Variants in UBAC2 observed in about 807,000 individuals in gnomAD.
The protein encoded by UBAC2 is ubiquitin-associated domain-containing protein 2.
A neutral mutation model predicts 44.0 loss-of-function variants in UBAC2; 26 were observed. The ratio of observed to expected loss-of-function variants is 0.59; its 90% confidence interval spans 0.43 to 0.82. The LOEUF (loss-of-function observed/expected upper bound fraction) is 0.82, where lower values mean the gene tolerates loss of function less well. Ranked by LOEUF, UBAC2 falls within the 40% of genes least tolerant of loss-of-function variation. The pLI, the probability that UBAC2 is intolerant of heterozygous loss-of-function variation, is 0.00. For synonymous variants in UBAC2, 155 were observed against 154.3 expected (o/e 1.00, Z -0.04); for missense variants, 329 against 419.4 (o/e 0.78, Z 1.88).
intron 8 of UBAC2, among the ~76,000 whole-genome samples, chr13:99,374,950 A>G (rs931789587): frequency 2.6e-5 from 4 of 152,248 alleles, no homozygotes; most frequent in African/African-American, 7.2e-5. Context: ...TTGTTTTCAC[A>G]TAAAAAATGT....
At chr13:99,338,259 T>C (rs2044830890) in intron 6 of UBAC2, among the ~76,000 whole-genome samples, 2 of 151,982 alleles carry the variant, frequency 1.3e-5, no homozygotes, top group South Asian at 4.2e-4. Context: ...GTTTTTACCA[T>C]GTTGGCCAGG....
At chr13:99,360,826 T>TG (rs2045255331) in intron 7 of UBAC2, among the ~76,000 whole-genome samples, 1 of 152,222 alleles carries the variant, frequency 6.6e-6, no homozygotes, top group South Asian at 2.1e-4. Flanking sequence ...TATATCATCT[T>TG]GCATTGTTCT....
intron 4 of UBAC2, among the ~76,000 whole-genome samples, chr13:99,311,716 C>T (rs1819292529): frequency 6.6e-6 from 1 of 152,160 alleles, no homozygotes; most frequent in Non-Finnish European, 1.5e-5. Flanking sequence ...AAATGTGAGT[C>T]ATACAGTTGT....
chr13:99,219,949 C>T (rs1435009425), intron 1 of UBAC2, among the ~76,000 whole-genome samples: 3 of 151,712 alleles, frequency 2.0e-5, no homozygotes, highest in African/African-American at 7.3e-5. Flanking sequence ...ACATTTTGTT[C>T]ATTTGTTGAT....
intron 4 of UBAC2, among the ~76,000 whole-genome samples, chr13:99,265,961 A>G (rs542101948): frequency 4.6e-5 from 7 of 152,280 alleles, no homozygotes; most frequent in Non-Finnish European, 1.0e-4. Flanking sequence ...GTTTATTTGA[A>G]TATGAAATAG....
At chr13:99,318,821 CAAAAA>C (rs397851352) in intron 6 of UBAC2, among the ~76,000 whole-genome samples, 1 of 69,890 alleles carries the variant, frequency 1.4e-5, no homozygotes, top group Admixed American at 1.7e-4. Context: ...GACTCCATCT[CAAAAA>C]AAAAAAAAAA....
chr13:99,345,933 G>A (rs956794171), intron 7 of UBAC2, among the ~76,000 whole-genome samples: 1 of 151,840 alleles, frequency 6.6e-6, no homozygotes, highest in African/African-American at 2.4e-5. Flanking sequence ...AGTAAAGACG[G>A]GGTTTCACCA....
At chr13:99,234,932 CT>C (rs2043216996) in intron 1 of UBAC2, among the ~76,000 whole-genome samples, 2 of 152,152 alleles carry the variant, frequency 1.3e-5, no homozygotes, top group East Asian at 3.8e-4. Context: ...TAATTTGCTT[CT>C]TTTTTTCTCT....
chr13:99,352,733 G>A (rs1323400162), intron 7 of UBAC2, among the ~76,000 whole-genome samples: 3 of 152,204 alleles, frequency 2.0e-5, no homozygotes, highest in African/African-American at 4.8e-5. Context: ...AAGGCAGCAC[G>A]ATCCCTCCTC....
chr13:99,374,201 A>AT (rs1350650473), intron 8 of UBAC2, among the ~76,000 whole-genome samples: 3 of 152,192 alleles, frequency 2.0e-5, no homozygotes, highest in Non-Finnish European at 2.9e-5. Context: ...ATAGGTTAAC[A>AT]TTGAGTTACT....
intron 6 of UBAC2, among the ~76,000 whole-genome samples, chr13:99,323,586 A>C (rs1862817443): frequency 1.3e-5 from 2 of 152,366 alleles, no homozygotes; most frequent in Admixed American, 1.3e-4. Context: ...TTATAATTAA[A>C]ATAGCAAGTG....
At chr13:99,337,670 A>T (rs1198447914) in intron 6 of UBAC2, among the ~76,000 whole-genome samples, 1 of 152,132 alleles carries the variant, frequency 6.6e-6, no homozygotes, top group Non-Finnish European at 1.5e-5. Context: ...CTTCTTCTGG[A>T]ACCCCTATGC....
intron 1 of UBAC2, among the ~76,000 whole-genome samples, chr13:99,235,655 A>G (rs140964017): frequency 6.6e-6 from 1 of 152,328 alleles, no homozygotes; most frequent in East Asian, 1.9e-4. Flanking sequence ...AGAACATACA[A>G]TGGAGAAACG....
At chr13:99,265,395 A>G (rs751022260) in intron 4 of UBAC2, among the ~76,000 whole-genome samples, 7 of 152,174 alleles carry the variant, frequency 4.6e-5, no homozygotes, top group Non-Finnish European at 7.4e-5. Context: ...GCTTCTTTGG[A>G]AAAAAGGTTC....
chr13:99,200,867 C>T lies in UBAC2; in HGVS notation c.-42C>T. On this transcript the variant is annotated 5_prime_UTR_variant, in exon 1 of 9. Transcript: ENST00000403766. ...TCGCTGGGGCTCGCACTTCAGCTTC[C>T]CCTCCCCCGGCGCCCTCTGGGGCTC... 7.8e-7 allele frequency: 1 copy of T among 1,286,106 alleles called. No homozygotes were observed. 79.7% of individuals were successfully genotyped at this position (1,286,106 alleles called of 1,614,324 possible).
At chr13:99,243,233 C>CTTTTTTTTTT (rs773750160) in intron 2 of UBAC2, among the ~76,000 whole-genome samples, 2 of 94,254 alleles carry the variant, frequency 2.1e-5, no homozygotes, top group African/African-American at 4.2e-5. Flanking sequence ...TTGAGTAGCT[C>CTTTTTTTTTT]TTTTTTTTTT....
At chr13:99,320,468 C>G (rs2044553274) in intron 6 of UBAC2, among the ~76,000 whole-genome samples, 1 of 152,136 alleles carries the variant, frequency 6.6e-6, no homozygotes, top group Non-Finnish European at 1.5e-5. Flanking sequence ...ATAAACATTT[C>G]TGAGCCTTTT....
intron 7 of UBAC2, chr13:99,351,621 G>A (rs1004877708): frequency 2.2e-6 from 1 of 456,644 alleles, no homozygotes; most frequent in African/African-American, 2.0e-5. Context: ...TCTGTTGGCT[G>A]ATGATGAGAA....
At chr13:99,367,501 T>G (rs1377651978) in intron 7 of UBAC2, among the ~76,000 whole-genome samples, 1 of 152,158 alleles carries the variant, frequency 6.6e-6, no homozygotes, top group Non-Finnish European at 1.5e-5. Context: ...ATTAGGAGTG[T>G]CTGTACAGTG....
Sources: allele counts gnomAD v4.1 joint callset (sites outside exome capture counted in the v4.1 genomes callset), GRCh38; gene constraint gnomAD v4.1.1; transcripts MANE v1.5; gene names NCBI Gene and HGNC (gene_info 2026-07-23, HGNC 2026-07-21).